Variants in TCF20 observed in about 807,000 individuals in gnomAD.
The protein encoded by TCF20 is SPRE-binding protein.
In TCF20, 3 loss-of-function variants were observed where a neutral mutation model predicts 148.6. The observed-to-expected ratio is 0.02, with a 90% confidence interval of 0.01 to 0.05. The LOEUF (loss-of-function observed/expected upper bound fraction) is 0.05. TCF20 is among the 10% of genes least tolerant of loss of function. The probability of loss-of-function intolerance (pLI) is 1.00; values close to 1 mark genes in which losing one functional copy is unlikely to be tolerated. For missense variants in TCF20, 2,350 were observed against 2,429.3 expected (o/e 0.97, Z 0.69); for synonymous variants, 1,049 against 909.5 (o/e 1.15, Z -2.76).
chr22:42,204,476 C>G (rs1023546420), intron 2 of TCF20, among the ~76,000 whole-genome samples: 2 of 151,042 alleles, frequency 1.3e-5, no homozygotes, highest in Non-Finnish European at 1.5e-5. Flanking sequence ...GCCTGGACAA[C>G]AGAGTGAGAC....
At chr22:42,302,094 T>TAATG (rs1204875719) in intron 1 of TCF20, among the ~76,000 whole-genome samples, 1 of 152,076 alleles carries the variant, frequency 6.6e-6, no homozygotes, top group African/African-American at 2.4e-5. Context: ...GAGGGACAGC[T>TAATG]AATGGGACAG....
intron 1 of TCF20, among the ~76,000 whole-genome samples, chr22:42,265,507 T>C (rs978111665): frequency 2.0e-4 from 31 of 152,338 alleles, no homozygotes; most frequent in Admixed American, 1.9e-3. Flanking sequence ...CTCACTATGT[T>C]GCCCAGGCTT....
At chr22:42,202,118 A>T (rs2147167529) in intron 2 of TCF20, among the ~76,000 whole-genome samples, 1 of 152,350 alleles carries the variant, frequency 6.6e-6, no homozygotes, top group East Asian at 1.9e-4. Flanking sequence ...TTTCAAAGAG[A>T]TTAAGTTCTG....
At chr22:42,229,904 G>GTAT (rs1025183165) in intron 1 of TCF20, among the ~76,000 whole-genome samples, 20 of 152,272 alleles carry the variant, frequency 1.3e-4, no homozygotes, top group African/African-American at 4.8e-4. Flanking sequence ...GCTGAGCCAT[G>GTAT]TATTGTTGAA....
At position 42,292,346 on chromosome 22, in the gene TCF20, G is replaced by T. The variant is rs1259393928; in HGVS notation, c.-37+51133C>A. Among the ~76,000 whole-genome samples the T allele has an allele frequency of 6.6e-6, 1 of 152,184 alleles. No individual in the cohort carries two copies. The highest frequency in any genetic ancestry group is 2.1e-4 in the South Asian group (1 of 4,836). Reference sequence around the variant, plus strand: ...TGCTAAAATCAGGCCACGTGCACTAGGTCAAGGATGCCACAGAAGGAGCCC... The same window carrying T: ...TGCTAAAATCAGGCCACGTGCACTATGTCAAGGATGCCACAGAAGGAGCCC... On this transcript the variant is annotated intron_variant, in intron 1 of 1. Transcript: ENST00000515426. The surrounding 1 kb of genome is among the most constrained non-coding windows in gnomAD (Gnocchi z 4.9).
chr22:42,172,931 T>C (rs922448504), intron 3 of TCF20, among the ~76,000 whole-genome samples: 1 of 152,164 alleles, frequency 6.6e-6, no homozygotes. Flanking sequence ...CTCTTGGCAC[T>C]GGGACTGGCT....
At chr22:42,163,628 A>G (rs1601500965) in intron 5 of TCF20, among the ~76,000 whole-genome samples, 1 of 152,206 alleles carries the variant, frequency 6.6e-6, no homozygotes, top group Non-Finnish European at 1.5e-5. Flanking sequence ...ACGTGGCCAG[A>G]GGTGGGACTG....
chr22:42,239,787 C>T (rs959358887), intron 1 of TCF20, among the ~76,000 whole-genome samples: 7 of 151,784 alleles, frequency 4.6e-5, no homozygotes, highest in Admixed American at 2.6e-4. Context: ...AGCGAGACTC[C>T]GACTCAAAAA....
At position 42,315,435 on chromosome 22, in the gene TCF20, T is replaced by G. The variant is rs116830624; in HGVS notation, c.-37+28044A>C. Among the ~76,000 whole-genome samples the G allele has an allele frequency of 6.1e-3, 931 of 151,656 alleles. 6 individuals carry two copies. The highest frequency in any genetic ancestry group is 0.021 in the African/African-American group (873 of 41,286). On this transcript the variant is annotated intron_variant, in intron 1 of 1. Transcript: ENST00000515426. Reference sequence around the variant, plus strand: ...GGGTATCCAGGCCAGGCACACAGGGTAAGAGAGGAAAGGAGGGCAGCCCAG... The same window carrying G: ...GGGTATCCAGGCCAGGCACACAGGGGAAGAGAGGAAAGGAGGGCAGCCCAG...
Position 42,175,968 on chromosome 22 carries a change from G to A in TCF20, c.5749+3641C>T, listed in dbSNP as rs909170781. 2.7e-5 allele frequency among the ~76,000 whole-genome samples: 4 copies of A among 150,364 alleles called. No homozygotes were observed. The South Asian group carries it at 6.3e-4, about 24-fold the overall frequency. On this transcript the variant is annotated intron_variant, in intron 3 of 5. Coordinates refer to ENST00000677622, the MANE Select transcript of TCF20 (RefSeq NM_001378418.1). ...GGCCACCACGCCTGGCTAATTTTTT[G>A]TATTTTTTGTAGAGACAGGGTTTCA...
Position 42,168,694 on chromosome 22 carries a change from C to A in TCF20, c.5842G>T (p.Ala1948Ser), listed in dbSNP as rs539500058. 2.1e-5 allele frequency: 34 copies of A among 1,610,520 alleles called. No individual in the cohort carries two copies. Among genetic ancestry groups the A allele is most frequent in the East Asian group, 2.2e-5 (1 of 44,782 alleles). The change falls in exon 5 of 6, where the codon GCG becomes TCG. Residue 1948 changes from alanine to serine, a missense_variant. Coordinates refer to ENST00000677622, the MANE Select transcript of TCF20 (RefSeq NM_001378418.1). ...CPLPPLQNKT[A>S]KGSLSTEQSE... ...TGCTCTGTGCTGAGGCTGCCTTTCG[C>A]GGTCTTGTTCTGCAAGGGGGGGAGA...
Position 42,160,084 on chromosome 22 carries a change from CTGTT to C in TCF20, c.*1315_*1318del, listed in dbSNP as rs992541657. 3 of 152,372 alleles carry C rather than the reference CTGTT, an allele frequency of 2.0e-5. No homozygotes were observed. Among genetic ancestry groups the C allele is most frequent in the African/African-American group, 7.3e-5 (3 of 41,358 alleles). 9.4% of individuals were successfully genotyped at this position (152,372 alleles called of 1,614,324 possible). Reference sequence around the variant, plus strand: ...TTGTTTTTTGTTTTTTTAAATAAAACTGTTTGTGAAACAGCTATTTTATCCCCAT... The same window carrying C: ...TTGTTTTTTGTTTTTTTAAATAAAACTGTGAAACAGCTATTTTATCCCCAT... On this transcript the variant is annotated 3_prime_UTR_variant, in exon 6 of 6. Coordinates refer to ENST00000677622, the MANE Select transcript of TCF20 (RefSeq NM_001378418.1).
At chr22:42,235,802 G>A (rs1361850486) in intron 1 of TCF20, among the ~76,000 whole-genome samples, 4 of 152,154 alleles carry the variant, frequency 2.6e-5, no homozygotes, top group Non-Finnish European at 4.4e-5. Flanking sequence ...CCCACAGTAA[G>A]TCTGCAAACA....
At chr22:42,340,439 C>T (rs1010871646) in intron 1 of TCF20, among the ~76,000 whole-genome samples, 1 of 152,216 alleles carries the variant, frequency 6.6e-6, no homozygotes, top group African/African-American at 2.4e-5. Context: ...GGGACCTCCA[C>T]TGCATGAGAC....
chr22:42,329,310 TG>T (rs1313993409), intron 1 of TCF20, among the ~76,000 whole-genome samples: 1 of 152,118 alleles, frequency 6.6e-6, no homozygotes, highest in Non-Finnish European at 1.5e-5. Context: ...CGCCCAGCTG[TG>T]GGGGTGAGCA....
chr22:42,174,731 T>C (rs911560451), intron 3 of TCF20, among the ~76,000 whole-genome samples: 1 of 151,948 alleles, frequency 6.6e-6, no homozygotes, highest in African/African-American at 2.4e-5. Context: ...TTTTTTTTTT[T>C]TTCACTTAAA....
rs1394527481 is a variant in TCF20, at chr22:42,299,748, T to G, written c.-37+43731A>C. On this transcript the variant is annotated intron_variant, in intron 1 of 1. Coordinates refer to the TCF20 transcript ENST00000515426. This position sits in a 1 kb window ranked among gnomAD's most constrained non-coding sequence, Gnocchi z 4.1. The stretch of plus-strand genomic sequence containing the variant: ...AATTAATAGCAGGAGGGAAGTGCAA[T>G]TAGCAGGTACCTGGAGTGGGGTCGG... Among the ~76,000 whole-genome samples the G allele has an allele frequency of 1.3e-5, 2 of 151,244 alleles. No homozygotes were observed. Among genetic ancestry groups the G allele is most frequent in the Admixed American group, 1.3e-4 (2 of 15,206 alleles).
Position 42,179,557 on chromosome 22 carries a change from T to C in TCF20, c.5749+52A>G, listed in dbSNP as rs1366768766. On this transcript the variant is annotated intron_variant, in intron 3 of 5. Transcript: ENST00000677622. The stretch of plus-strand genomic sequence containing the variant: ...AACGACAACAGAGAGAATCAAACTG[T>C]ATGTCCTAATCCTTTGGATGCTCTG... The C allele has an allele frequency of 4.9e-6, 6 of 1,229,308 alleles. No individual in the cohort carries two copies. In the Admixed American group the frequency reaches 1.1e-4, roughly 23 times the overall value. 76.2% of individuals were successfully genotyped at this position (1,229,308 alleles called of 1,614,324 possible).
chr22:42,210,443 C>G lies in TCF20; in HGVS notation c.4863G>C (p.Leu1621=). The G allele has an allele frequency of 6.2e-7, 1 of 1,614,244 alleles. No individual in the cohort carries two copies. The highest frequency in any genetic ancestry group is 8.5e-7 in the Non-Finnish European group (1 of 1,180,054). The change falls in exon 2 of 6, where the codon CTG becomes CTC. Residue 1621 remains leucine (L), a synonymous_variant. Transcript: ENST00000677622. This position sits in a 1 kb window ranked among gnomAD's most constrained non-coding sequence, Gnocchi z 4.7. ...EIKLKYATQP[L]DKTDAKNKSF... is the part of the protein sequence containing the mutation. ...ACTTGTTCTTGGCATCAGTTTTATCCAGTGGCTGGGTGGCATATTTTAGTT... is the reference window on the plus strand; with the variant it reads ...ACTTGTTCTTGGCATCAGTTTTATCGAGTGGCTGGGTGGCATATTTTAGTT...
Sources: allele counts gnomAD v4.1 joint callset (sites outside exome capture counted in the v4.1 genomes callset), GRCh38; gene constraint gnomAD v4.1.1; non-coding constraint Gnocchi (gnomAD v3.1); transcripts MANE v1.5; gene names NCBI Gene and HGNC (gene_info 2026-07-23, HGNC 2026-07-21).